ERICH6B: variants seen among roughly 807,000 people sequenced by gnomAD.
ERICH6B encodes the protein glutamate-rich protein 6B.
In ERICH6B, 69 loss-of-function variants were observed where a neutral mutation model predicts 80.0. The ratio of observed to expected loss-of-function variants is 0.86; its 90% CI spans 0.71 to 1.05. The LOEUF is 1.05. ERICH6B is among the 50% of genes least tolerant of loss of function. The pLI is 0.00. For missense variants in ERICH6B, 754 were observed against 796.1 expected, an observed-to-expected ratio of 0.95 and a Z score of 0.64; for synonymous variants, 283 against 291.9, an observed-to-expected ratio of 0.97 and a Z score of 0.31.
At chr13:45,574,626 T>C (rs909660810) in intron 8 of ERICH6B, among the ~76,000 whole-genome samples, 2 of 152,100 alleles carry the variant, frequency 1.3e-5, no homozygotes, top group African/African-American at 4.8e-5. Flanking sequence ...CCCATCTACA[T>C]AGAGGGAGTA....
intron 1 of ERICH6B, among the ~76,000 whole-genome samples, chr13:45,613,942 G>T (rs535424042): frequency 1.3e-5 from 2 of 152,314 alleles, no homozygotes; most frequent in Non-Finnish European, 2.9e-5. Flanking sequence ...GCTGAGGTCT[G>T]GAAGGGCTGA....
chr13:45,614,707 A>T (rs1290297577), intron 1 of ERICH6B, among the ~76,000 whole-genome samples: 1 of 152,110 alleles, frequency 6.6e-6, no homozygotes, highest in Non-Finnish European at 1.5e-5. Flanking sequence ...TCTGTAAAGG[A>T]CTCCAAGGAT....
rs751568577 is a variant in ERICH6B at position 45,544,956 on chromosome 13, T to G, written c.1676A>C (p.Tyr559Ser). 9 of 1,551,074 alleles carry G rather than the reference T, an allele frequency of 5.8e-6. No homozygotes were observed. The highest frequency in any genetic ancestry group is 7.8e-6 in the Non-Finnish European group (9 of 1,147,016). ...WLNLSSNLGY[Y>S]FPKDKRQKAW... is the part of the protein sequence containing the mutation. Reference sequence around the variant, plus strand: ...CTTCTGGCGTTTGTCTTTGGGGAAGTAGTAGCCCAGGTTGGAGCTCAGGTT... The same window carrying G: ...CTTCTGGCGTTTGTCTTTGGGGAAGGAGTAGCCCAGGTTGGAGCTCAGGTT... Residue 559 changes from tyrosine to serine, a missense_variant, in exon 14 of 15, where the codon TAC becomes TCC. Physicochemically the swap from Tyr to Ser is moderately radical, Grantham distance 144. Transcript: ENST00000298738.
intron 10 of ERICH6B, among the ~76,000 whole-genome samples, chr13:45,562,489 G>A (rs142856365): frequency 7.4e-4 from 113 of 152,326 alleles, no homozygotes; most frequent in Non-Finnish European, 1.4e-3. Context: ...TTTGATAAGT[G>A]CTTAACAGTG....
In ERICH6B at chr13:45,550,230, C is replaced by G. The variant is rs932556808; in HGVS notation, c.1493+1G>C. ...GAGCATCCCTGTGCTTCTGTGGATA[C>G]TGTATCTGGCCTGTCCCATCAGGAA... On this transcript the variant is annotated splice_donor_variant, in intron 12 of 14. Coordinates refer to ENST00000298738, the MANE Select transcript of ERICH6B (RefSeq NM_182542.3). LOFTEE classifies it high-confidence loss of function. The G allele has an allele frequency of 4.5e-6, 7 of 1,550,814 alleles. No homozygotes were observed. Among genetic ancestry groups the G allele is most frequent in the Non-Finnish European group, 5.2e-6 (6 of 1,146,410 alleles).
intron 11 of ERICH6B, chr13:45,553,092 CT>C: frequency 3.0e-6 from 1 of 333,242 alleles, no homozygotes; most frequent in Non-Finnish European, 6.0e-6. Flanking sequence ...CAAGACATTC[CT>C]TAAACTGTTT....
Position 45,548,504 on chromosome 13 carries a change from C to T in ERICH6B, c.1646+1389G>A, listed in dbSNP as rs986077700. On this transcript the variant is annotated intron_variant, in intron 13 of 14. Transcript: ENST00000298738. ...GCCCCTGGGGGAAGGAATCAGTTTG[C>T]GGGTAGGGCAGCCCATTCACAGAGA... is the stretch of plus-strand genomic sequence containing the variant. Among the ~76,000 whole-genome samples, 5 of 152,146 alleles carry T rather than the reference C, an allele frequency of 3.3e-5. No individual in the cohort carries two copies. The South Asian group carries it at 6.2e-4, about 19-fold the overall frequency.
At chr13:45,595,343 T>C (rs567653723) in intron 3 of ERICH6B, among the ~76,000 whole-genome samples, 66 of 152,302 alleles carry the variant, frequency 4.3e-4, no homozygotes, top group African/African-American at 1.6e-3. Context: ...TAAAATGATT[T>C]GTAGAAAGCT....
intron 13 of ERICH6B, among the ~76,000 whole-genome samples, chr13:45,547,302 T>A (rs1874031676): frequency 6.6e-6 from 1 of 152,218 alleles, no homozygotes; most frequent in Non-Finnish European, 1.5e-5. Context: ...GGGGAGCAGA[T>A]CCTGCTAGCT....
intron 8 of ERICH6B, among the ~76,000 whole-genome samples, chr13:45,571,497 CA>C (rs1875165777): frequency 6.6e-6 from 1 of 152,074 alleles, no homozygotes; most frequent in African/African-American, 2.4e-5. Flanking sequence ...AGTTGGGGGA[CA>C]GGGGGTATTG....
intron 1 of ERICH6B, among the ~76,000 whole-genome samples, chr13:45,613,585 C>G (rs1434965186): frequency 6.6e-6 from 1 of 152,130 alleles, no homozygotes; most frequent in Non-Finnish European, 1.5e-5. Flanking sequence ...AACCACCAGT[C>G]AAAACTGGAC....
chr13:45,595,640 C>G (rs934448777), intron 3 of ERICH6B, among the ~76,000 whole-genome samples: 4 of 149,202 alleles, frequency 2.7e-5, no homozygotes, highest in Non-Finnish European at 5.9e-5. Flanking sequence ...CTTCTTTTTG[C>G]TTATATATAG....
At chr13:45,567,077 A>G (rs926051884) in intron 9 of ERICH6B, among the ~76,000 whole-genome samples, 8 of 152,184 alleles carry the variant, frequency 5.3e-5, no homozygotes, top group South Asian at 4.1e-4. Context: ...TGACTGTCCT[A>G]TTGGATTTTG....
intron 14 of ERICH6B, among the ~76,000 whole-genome samples, chr13:45,543,343 C>G (rs1873863656): frequency 6.6e-6 from 1 of 152,144 alleles, no homozygotes; most frequent in Admixed American, 6.5e-5. Context: ...AAAGTGATGT[C>G]CAAGTCCTAA....
Position 45,608,098 on chromosome 13 carries a change from G to A in ERICH6B, c.-110-483C>T, listed in dbSNP as rs139380846. On this transcript the variant is annotated intron_variant, in intron 1 of 14. Coordinates refer to ENST00000298738, the MANE Select transcript of ERICH6B (RefSeq NM_182542.3). ...AAAATTAGTATGGAACAGGAAATGAGGGTGGCCACGTCCCATTGATTCCAA... is the reference window on the plus strand; with the variant it reads ...AAAATTAGTATGGAACAGGAAATGAAGGTGGCCACGTCCCATTGATTCCAA... 2.7e-3 allele frequency among the ~76,000 whole-genome samples: 415 copies of A among 152,310 alleles called. 4 individuals are homozygous for A. The highest frequency in any genetic ancestry group is 3.9e-3 in the Non-Finnish European group (268 of 68,024).
chr13:45,549,517 C>T (rs1593772914), intron 13 of ERICH6B, among the ~76,000 whole-genome samples: 1 of 152,336 alleles, frequency 6.6e-6, no homozygotes, highest in East Asian at 1.9e-4. Context: ...ACCATGGACT[C>T]TGTATGCATG....
intron 7 of ERICH6B, 95 bp from the exon 8 acceptor site, chr13:45,575,025 A>T: frequency 2.5e-6 from 2 of 805,786 alleles, no homozygotes; most frequent in African/African-American, 3.5e-5. Context: ...GATTGATGGT[A>T]TTTACCTTTG....
chr13:45,571,003 C>T (rs4640074), intron 8 of ERICH6B, among the ~76,000 whole-genome samples: 11,516 of 148,420 alleles, frequency 0.078, 979 homozygotes, highest in African/African-American at 0.18. Flanking sequence ...CTCCATTCTT[C>T]TCCTCCTGCT....
intron 11 of ERICH6B, among the ~76,000 whole-genome samples, chr13:45,554,921 AAAAC>A (rs769624941): frequency 2.0e-5 from 3 of 152,224 alleles, no homozygotes; most frequent in Non-Finnish European, 2.9e-5. Flanking sequence ...GCCTGTTTGT[AAAAC>A]AAACAAACAA....
Sources: allele counts gnomAD v4.1 joint callset (sites outside exome capture counted in the v4.1 genomes callset), GRCh38; gene constraint gnomAD v4.1.1; transcripts MANE v1.5; gene names NCBI Gene and HGNC (gene_info 2026-07-23, HGNC 2026-07-21).